FIGN: variants seen among roughly 807,000 people sequenced by gnomAD.
FIGN encodes the protein fidgetin.
Under a neutral mutation model 51.3 loss-of-function variants are expected in FIGN, and 11 were observed. The observed-to-expected ratio is 0.21, with a 90% CI of 0.13 to 0.35. FIGN has a LOEUF of 0.35. FIGN is among the 10% of genes least tolerant of loss of function. The pLI is 1.00. For synonymous variants in FIGN, 407 were observed against 363.2 expected (o/e 1.12, Z -1.37); for missense variants, 857 against 943.6 (o/e 0.91, Z 1.20).
chr2:163,649,531 T>C (rs904970763), intron 2 of FIGN, among the ~76,000 whole-genome samples: 2 of 152,134 alleles, frequency 1.3e-5, no homozygotes, highest in Non-Finnish European at 2.9e-5. Flanking sequence ...CCAGCTGAGC[T>C]CAGCCTTCCA....
chr2:163,713,269 C>G (rs1341819732), intron 2 of FIGN, among the ~76,000 whole-genome samples: 1 of 152,046 alleles, frequency 6.6e-6, no homozygotes, highest in African/African-American at 2.4e-5. Flanking sequence ...GCAATGATAG[C>G]CTTGTTCTTT....
At chr2:163,652,418 A>G (rs1326890601) in intron 2 of FIGN, among the ~76,000 whole-genome samples, 1 of 151,532 alleles carries the variant, frequency 6.6e-6, no homozygotes, top group East Asian at 1.9e-4. Context: ...TTAAGAATCA[A>G]TCTAGAAAAT....
chr2:163,659,100 T>G (rs1683610336), intron 2 of FIGN, among the ~76,000 whole-genome samples: 1 of 152,150 alleles, frequency 6.6e-6, no homozygotes, highest in African/African-American at 2.4e-5. Context: ...TCAGATGTTC[T>G]ATAGTAATTA....
intron 2 of FIGN, among the ~76,000 whole-genome samples, chr2:163,698,813 A>G (rs1684362757): frequency 6.6e-6 from 1 of 152,178 alleles, no homozygotes; most frequent in South Asian, 2.1e-4. Flanking sequence ...AGAGCCTGCC[A>G]GTAATATGTC....
At chr2:163,735,280 T>C (rs1684996756) in intron 1 of FIGN, among the ~76,000 whole-genome samples, 1 of 152,058 alleles carries the variant, frequency 6.6e-6, no homozygotes, top group South Asian at 2.1e-4. Flanking sequence ...CATCTTTCTC[T>C]CCCGTTCCTT....
At chr2:163,733,135 T>C (rs958457687) in intron 2 of FIGN, among the ~76,000 whole-genome samples, 2 of 152,334 alleles carry the variant, frequency 1.3e-5, no homozygotes, top group East Asian at 3.9e-4. Flanking sequence ...TTCTAATATA[T>C]GATAACAAGG....
intron 2 of FIGN, among the ~76,000 whole-genome samples, chr2:163,686,899 G>A (rs904765150): frequency 1.3e-5 from 2 of 151,880 alleles, no homozygotes; most frequent in African/African-American, 4.8e-5. Flanking sequence ...GAGGCCAAGT[G>A]TGCTTTGAAG....
At chr2:163,735,607 A>G (rs1456527788) in intron 1 of FIGN, among the ~76,000 whole-genome samples, 1 of 152,234 alleles carries the variant, frequency 6.6e-6, no homozygotes, top group African/African-American at 2.4e-5. Context: ...TACTATTGTT[A>G]CAATGATTAA....
intron 2 of FIGN, among the ~76,000 whole-genome samples, chr2:163,622,915 T>C (rs917332525): frequency 3.9e-5 from 6 of 152,180 alleles, no homozygotes; most frequent in African/African-American, 1.4e-4. Flanking sequence ...TCATTTTAAG[T>C]GTGCTAGTTT....
At chr2:163,626,615 A>ATG (rs1683057827) in intron 2 of FIGN, among the ~76,000 whole-genome samples, 1 of 152,140 alleles carries the variant, frequency 6.6e-6, no homozygotes, top group African/African-American at 2.4e-5. Flanking sequence ...TTTAGTTAGA[A>ATG]ACTAAGTATC....
intron 2 of FIGN, among the ~76,000 whole-genome samples, chr2:163,642,223 T>G (rs959196770): frequency 6.6e-6 from 1 of 152,192 alleles, no homozygotes; most frequent in Non-Finnish European, 1.5e-5. Context: ...ACAGTGTAGT[T>G]TCACACACTG....
chr2:163,656,483 G>A (rs1212018049), intron 2 of FIGN, among the ~76,000 whole-genome samples: 3 of 152,096 alleles, frequency 2.0e-5, no homozygotes, highest in Non-Finnish European at 4.4e-5. Context: ...CGGCTCCTTT[G>A]TTGAGCTGAC....
intron 2 of FIGN, among the ~76,000 whole-genome samples, chr2:163,711,412 G>A (rs1362397024): frequency 1.3e-5 from 2 of 152,096 alleles, no homozygotes; most frequent in African/African-American, 4.8e-5. Flanking sequence ...AAAAATGACT[G>A]CCTTTTGTGC....
At chr2:163,701,559 A>G (rs1346968742) in intron 2 of FIGN, among the ~76,000 whole-genome samples, 1 of 152,206 alleles carries the variant, frequency 6.6e-6, no homozygotes, top group African/African-American at 2.4e-5. Context: ...AAGCCACTGT[A>G]GATATTAGAA....
In FIGN at chr2:163,729,586, A is replaced by T. The variant is rs186555228; in HGVS notation, c.25+5317T>A. On this transcript the variant is annotated intron_variant, in intron 2 of 2. Coordinates refer to ENST00000333129, the MANE Select transcript of FIGN (RefSeq NM_018086.4). ...AATTATAAAACATACTTTCTAAAAA[A>T]CATTTCCCAACACAAAAATACCAAT... 2.4e-3 allele frequency among the ~76,000 whole-genome samples: 365 copies of T among 152,256 alleles called. 3 individuals carry two copies. Among genetic ancestry groups the T allele is most frequent in the African/African-American group, 7.9e-3 (330 of 41,542 alleles).
chr2:163,659,157 G>C (rs1158036148), intron 2 of FIGN, among the ~76,000 whole-genome samples: 1 of 152,086 alleles, frequency 6.6e-6, no homozygotes, highest in African/African-American at 2.4e-5. Context: ...AAGTTCAGAA[G>C]ATTTACTTAA....
intron 2 of FIGN, among the ~76,000 whole-genome samples, chr2:163,659,867 C>T (rs779430157): frequency 1.3e-4 from 20 of 152,136 alleles, no homozygotes; most frequent in Non-Finnish European, 1.9e-4. Flanking sequence ...CTTTGGGAGG[C>T]TGAGTCCAGA....
At position 163,610,854 on chromosome 2, in the gene FIGN, T is replaced by C; in HGVS notation, c.978A>G (p.Gln326=). The C allele has an allele frequency of 6.2e-7, 1 of 1,614,090 alleles. No homozygotes were observed. The highest frequency in any genetic ancestry group is 2.2e-5 in the East Asian group (1 of 44,858). Residue 326 remains glutamine, a synonymous_variant, in exon 3 of 3, where the codon CAA becomes CAG. Coordinates refer to ENST00000333129, the MANE Select transcript of FIGN (RefSeq NM_018086.4). ...LKRKAFYMAG[Q]GDMDSSYGNY... ...TTCCATAACTGGAGTCCATATCTCCTTGCCCTGCCATGTAGAAAGCTTTCC... is the reference window on the plus strand; with the variant it reads ...TTCCATAACTGGAGTCCATATCTCCCTGCCCTGCCATGTAGAAAGCTTTCC...
chr2:163,687,392 T>C (rs1360684438), intron 2 of FIGN, among the ~76,000 whole-genome samples: 1 of 152,218 alleles, frequency 6.6e-6, no homozygotes, highest in African/African-American at 2.4e-5. Flanking sequence ...GAACACACTG[T>C]CAATTGACAC....
Sources: gnomAD v4.1 joint callset for allele counts (sites outside exome capture counted in the v4.1 genomes callset) on GRCh38, gnomAD v4.1.1 for gene constraint, MANE v1.5 for transcripts, NCBI Gene and HGNC (gene_info 2026-07-23, HGNC 2026-07-21) for gene names.